The following COX7A2L variants were observed in gnomAD, a reference collection of about 807,000 sequenced individuals.
COX7A2L encodes cytochrome c oxidase subunit 7A2-like, mitochondrial.
In COX7A2L, 18 loss-of-function variants were observed where a neutral mutation model predicts 14.2. That is an observed-to-expected ratio of 1.27 (90% CI 0.88 to 1.88). The LOEUF (loss-of-function observed/expected upper bound fraction) is 1.88, where lower values mean the gene tolerates loss of function less well. Ranked by LOEUF, COX7A2L falls within the 40% of genes most tolerant of loss-of-function variation. The pLI, the probability that COX7A2L is intolerant of heterozygous loss-of-function variation, is 0.00. For synonymous variants in COX7A2L, 65 were observed against 57.4 expected (o/e 1.13, Z -0.60); for missense variants, 179 against 138.8 (o/e 1.29, Z -1.46).
At chr2:42,352,871 C>T (rs1572792951) in intron 2 of COX7A2L, 2 of 308,658 alleles carry the variant, frequency 6.5e-6, no homozygotes, top group Non-Finnish European at 5.9e-6. Context: ...ACATGTGTCA[C>T]GAAGTCAAAT....
rs1233739016 is a variant in COX7A2L, at chr2:42,339,703, G to A, written c.193-5834C>T. ...TTGTGCACACATATACACCCACACA[G>A]CCACCCCTGGAGGAAGACCTGGGAT... On this transcript the variant is annotated intron_variant, in intron 2 of 2. Coordinates refer to the COX7A2L transcript ENST00000468711. This position sits in a 1 kb window ranked among gnomAD's most constrained non-coding sequence, Gnocchi z 5.4. Among the ~76,000 whole-genome samples, 2 of 152,078 alleles carry A rather than the reference G, an allele frequency of 1.3e-5. No individual in the cohort carries two copies. The highest frequency in any genetic ancestry group is 4.8e-5 in the African/African-American group (2 of 41,398).
At chr2:42,340,427 A>C (rs1224163818) in intron 2 of COX7A2L, among the ~76,000 whole-genome samples, 1 of 152,116 alleles carries the variant, frequency 6.6e-6, no homozygotes, top group Non-Finnish European at 1.5e-5. Context: ...CCACACTGCC[A>C]CTGTGGGTTC....
At chr2:42,345,040 C>A (rs993796893), downstream of COX7A2L, among the ~76,000 whole-genome samples, 1 of 152,144 alleles carries the variant, frequency 6.6e-6, no homozygotes, top group Non-Finnish European at 1.5e-5. Context: ...ATAGCAAAAT[C>A]ACAATTCTTT....
chr2:42,366,638 T>C (rs138414375), intron 1 of COX7A2L, among the ~76,000 whole-genome samples: 4 of 152,318 alleles, frequency 2.6e-5, no homozygotes, highest in South Asian at 2.1e-4. Context: ...GAAGTCTATA[T>C]AGGAAATACA....
rs1670585877 is a variant in COX7A2L, at chr2:42,349,929, A to C, written c.*1290T>G. The stretch of plus-strand genomic sequence containing the variant: ...GAGAACAAGAAAAAGCAAAGGTGCC[A>C]ATATATTGATAACTGGTGATCTAAG... On this transcript the variant is annotated 3_prime_UTR_variant, in exon 3 of 3. Coordinates refer to ENST00000234301, the MANE Select transcript of COX7A2L (RefSeq NM_004718.4). The C allele has an allele frequency of 6.6e-6, 1 of 152,214 alleles. No individual in the cohort carries two copies. Among genetic ancestry groups the C allele is most frequent in the Admixed American group, 6.5e-5 (1 of 15,282 alleles). 9.4% of individuals were successfully genotyped at this position (152,214 alleles called of 1,614,324 possible).
chr2:42,361,343 G>C, upstream of COX7A2L: 1 of 580,210 alleles, frequency 1.7e-6, no homozygotes, highest in South Asian at 2.3e-5. Context: ...CAAAAGCCAG[G>C]GTTCTCAGGA....
chr2:42,345,443 CCTT>C (rs1176446343), downstream of COX7A2L, among the ~76,000 whole-genome samples: 2 of 152,008 alleles, frequency 1.3e-5, no homozygotes, highest in East Asian at 1.9e-4. Flanking sequence ...GCTGGCTCCT[CCTT>C]CAATTTTGTT....
rs758542580 is a variant in COX7A2L, at chr2:42,351,255, G to A, written c.309C>T (p.Ile103=). ...TGGGCTGCGAAGCCATGTAGAGGGC[G>A]ATCAGGCAGTAGATGGTCCCTCCCA... ...LTVGGTIYCL[I]ALYMASQPKN... The change falls in exon 3 of 3, where the codon ATC becomes ATT. Residue 103 remains isoleucine (I), a synonymous_variant. Coordinates refer to ENST00000234301, the MANE Select transcript of COX7A2L (RefSeq NM_004718.4). The A allele has an allele frequency of 9.3e-6, 15 of 1,614,022 alleles. No individual in the cohort carries two copies. The highest frequency in any genetic ancestry group is 3.3e-5 in the South Asian group (3 of 91,078).
At position 42,353,236 on chromosome 2, in the gene COX7A2L, A is replaced by T. The variant is rs1415133189; in HGVS notation, c.180T>A (p.Val60=). Residue 60 remains valine (V), a synonymous_variant, in exon 2 of 3, where the codon GTT becomes GTA. Transcript: ENST00000234301. ...TVYDYAGKNK[V]PELQKFFQKA... ...CCTGGAAAAACTTTTGTAGCTCTGG[A>T]ACTTTGTTTTTCCCAGCATAATCAT... The T allele has an allele frequency of 3.1e-6, 5 of 1,614,028 alleles. No homozygotes were observed. Among genetic ancestry groups the T allele is most frequent in the Non-Finnish European group, 4.2e-6 (5 of 1,179,996 alleles).
chr2:42,367,524 G>A (rs1370916490), intron 1 of COX7A2L, among the ~76,000 whole-genome samples: 2 of 152,178 alleles, frequency 1.3e-5, no homozygotes, highest in African/African-American at 2.4e-5. Context: ...TCAGTGAAAA[G>A]TATCTAATGG....
rs563347107 is a variant in COX7A2L at position 42,352,343 on chromosome 2, T to C, written c.204+869A>G. On this transcript the variant is annotated intron_variant, in intron 2 of 2. Coordinates refer to ENST00000234301, the MANE Select transcript of COX7A2L (RefSeq NM_004718.4). ...TGCCTATACACTCAGCTAAGTTTTT[T>C]TGTAGAGGCAGGGTCTCGTTATGCT... Among the ~76,000 whole-genome samples the C allele has an allele frequency of 4.1e-4, 62 of 152,218 alleles. 1 individual carries two copies. The highest frequency in any genetic ancestry group is 3.4e-3 in the Middle Eastern group (1 of 294).
downstream of COX7A2L, among the ~76,000 whole-genome samples, chr2:42,346,061 A>G (rs946712663): frequency 3.9e-5 from 6 of 152,190 alleles, no homozygotes; most frequent in African/African-American, 1.2e-4. Flanking sequence ...AGAATAGGGC[A>G]GCCTGCACTC....
intron 1 of COX7A2L, among the ~76,000 whole-genome samples, chr2:42,355,101 A>T (rs896831363): frequency 2.0e-5 from 3 of 152,166 alleles, no homozygotes; most frequent in African/African-American, 7.2e-5. Context: ...CACCCTCCCA[A>T]TCAACTATTG....
upstream of COX7A2L, chr2:42,361,434 T>C (rs953709897): frequency 5.6e-5 from 21 of 373,100 alleles, no homozygotes; most frequent in African/African-American, 1.3e-4. Context: ...GTTCCCTCTT[T>C]CCCCCATTCA....
chr2:42,335,959 C>G (rs1185445488), intron 2 of COX7A2L, among the ~76,000 whole-genome samples: 1 of 152,240 alleles, frequency 6.6e-6, no homozygotes, highest in Non-Finnish European at 1.5e-5. Flanking sequence ...GTGGCACCTG[C>G]TGCCAGCAAA....
upstream of COX7A2L, among the ~76,000 whole-genome samples, chr2:42,363,710 C>T (rs776983493): frequency 6.6e-6 from 1 of 152,208 alleles, no homozygotes; most frequent in Non-Finnish European, 1.5e-5. Context: ...TATTCTCATT[C>T]GTATTTGCAT....
intron 2 of COX7A2L, among the ~76,000 whole-genome samples, chr2:42,340,389 TA>T (rs1670378565): frequency 6.6e-6 from 1 of 152,204 alleles, no homozygotes; most frequent in African/African-American, 2.4e-5. Context: ...TCAATTGTTG[TA>T]AGTCTTTTTC....
intron 2 of COX7A2L, among the ~76,000 whole-genome samples, chr2:42,352,157 T>G (rs1572792187): frequency 6.6e-6 from 1 of 152,312 alleles, no homozygotes; most frequent in Middle Eastern, 3.4e-3. Context: ...TTCCATGAGA[T>G]ATTTAAATCA....
intron 1 of COX7A2L, among the ~76,000 whole-genome samples, chr2:42,360,414 T>C (rs1670987052): frequency 6.6e-6 from 1 of 152,138 alleles, no homozygotes; most frequent in South Asian, 2.1e-4. Flanking sequence ...GGCTCTAAAA[T>C]CCCTCATGTT....
Sources: gnomAD v4.1 joint callset for allele counts (sites outside exome capture counted in the v4.1 genomes callset) on GRCh38, gnomAD v4.1.1 for gene constraint, Gnocchi (gnomAD v3.1) non-coding constraint, MANE v1.5 for transcripts, NCBI Gene and HGNC (gene_info 2026-07-23, HGNC 2026-07-21) for gene names.